PCDH1: variants seen among roughly 807,000 people sequenced by gnomAD.
PCDH1 encodes protocadherin 1, also known as protocadherin-1.
PCDH1 carries 23 observed loss-of-function variants against 74.6 expected under a neutral mutation model. That is an observed-to-expected ratio of 0.31 (90% CI 0.22 to 0.44). The LOEUF (loss-of-function observed/expected upper bound fraction) is 0.44, where lower values mean the gene tolerates loss of function less well. Among genes scored for constraint, PCDH1 ranks in the 20% least tolerant of loss-of-function variants. The probability of loss-of-function intolerance (pLI) is 1.00; values close to 1 mark genes in which losing one functional copy is unlikely to be tolerated. For synonymous variants in PCDH1, 647 were observed against 686.1 expected (o/e 0.94, Z 0.89); for missense variants, 1,214 against 1,641.4 (o/e 0.74, Z 4.50).
At chr5:141,877,045 T>C (rs563299136) in intron 1 of PCDH1, among the ~76,000 whole-genome samples, 3 of 152,336 alleles carry the variant, frequency 2.0e-5, no homozygotes, top group South Asian at 4.1e-4. Flanking sequence ...CTTCCCGCTG[T>C]GCCGATATTT....
intron 2 of PCDH1, among the ~76,000 whole-genome samples, chr5:141,867,174 C>A (rs1752882325): frequency 6.6e-6 from 1 of 152,206 alleles, no homozygotes; most frequent in African/African-American, 2.4e-5. Context: ...GTCTCTGTGA[C>A]TCTTGGCTTC....
At chr5:141,856,639 C>G (rs893436376) in intron 4 of PCDH1, among the ~76,000 whole-genome samples, 1 of 152,152 alleles carries the variant, frequency 6.6e-6, no homozygotes, top group Non-Finnish European at 1.5e-5. Flanking sequence ...GCTCACACCT[C>G]CTTTTTGCCA....
intron 1 of PCDH1, among the ~76,000 whole-genome samples, chr5:141,870,538 C>A (rs531631370): frequency 3.9e-5 from 6 of 152,134 alleles, no homozygotes; most frequent in African/African-American, 1.4e-4. Context: ...TGGCCACTCC[C>A]CCACCCCACA....
At position 141,853,952 on chromosome 5, in the gene PCDH1, G is replaced by A. The variant is rs527915794; in HGVS notation, c.*90C>T. The A allele has an allele frequency of 1.2e-5, 14 of 1,205,106 alleles. No individual in the cohort carries two copies. In the African/African-American group the frequency reaches 2.0e-4, roughly 17 times the overall value. The allele number at this position is 1,205,106 out of a possible 1,614,324, so 74.7% of individuals were successfully genotyped here. A position where few individuals can be genotyped will look rare whatever the true frequency, so the allele number is the denominator to read the frequency against. Reference sequence around the variant, plus strand: ...TTGGGGCCCTGGCCAGGAAGTCCACGCTGAAGGGGTGGAGAGTGAGGCCCT... The same window carrying A: ...TTGGGGCCCTGGCCAGGAAGTCCACACTGAAGGGGTGGAGAGTGAGGCCCT... On this transcript the variant is annotated 3_prime_UTR_variant, in exon 5 of 5. Transcript: ENST00000287008.
rs143703336 is a variant in PCDH1, at chr5:141,863,942, G to T, written c.2389C>A (p.Arg797Ser). Residue 797 changes from arginine (R) to serine (S), a missense_variant, in exon 3 of 5, where the codon CGC becomes AGC. By Grantham distance (110) the Arg-to-Ser change is moderately radical. This residue lies in a region of PCDH1 where 836 missense variants were observed against 1,182.2 expected (regional missense o/e 0.71). Coordinates refer to ENST00000287008, the MANE Select transcript of PCDH1 (RefSeq NM_032420.5). This position sits in a 1 kb window ranked among gnomAD's most constrained non-coding sequence, Gnocchi z 7.5. ...GTGCCATAGCGTGGGGGCTTGCCGC[G>T]GTCACTGACCTTCACCACCAGGCGG... ...LHRLVVKVSD[R>S]GKPPRYGTAL... 3 of 1,614,092 alleles carry T rather than the reference G, an allele frequency of 1.9e-6. No homozygotes were observed. In the Admixed American group the frequency reaches 5.0e-5, roughly 27 times the overall value.
At chr5:141,861,290 G>C (rs1030935709) in intron 3 of PCDH1, among the ~76,000 whole-genome samples, 4 of 152,076 alleles carry the variant, frequency 2.6e-5, no homozygotes, top group Non-Finnish European at 5.9e-5. Context: ...TCAGGGTCTA[G>C]TACCATGCTG....
intron 3 of PCDH1, among the ~76,000 whole-genome samples, chr5:141,858,825 T>C (rs552865567): frequency 2.2e-4 from 34 of 152,240 alleles, no homozygotes; most frequent in African/African-American, 7.0e-4. Flanking sequence ...TCTTACTCTA[T>C]AACTCTGGAT....
Position 141,863,216 on chromosome 5 carries a change from G to A in PCDH1, c.3099+16C>T. The A allele has an allele frequency of 6.4e-7, 1 of 1,568,544 alleles. No homozygotes were observed. Among genetic ancestry groups the A allele is most frequent in the Non-Finnish European group, 8.6e-7 (1 of 1,157,982 alleles). ...GGTAGGGGCTGGGGTGTGCTGAGCT[G>A]AAAGGGCTGGCCTACCTGCTTGCTG... is the stretch of plus-strand genomic sequence containing the variant. On this transcript the variant is annotated intron_variant, in intron 3 of 4. Coordinates refer to ENST00000287008, the MANE Select transcript of PCDH1 (RefSeq NM_032420.5). The surrounding 1 kb of genome is among the most constrained non-coding windows in gnomAD (Gnocchi z 7.5).
At position 141,854,317 on chromosome 5, in the gene PCDH1, T is replaced by G. The variant is rs1326514748; in HGVS notation, c.3439A>C (p.Ser1147Arg). Reference protein sequence around the residue: ...GQSSPSRRTKSSALKLSTFVP... With the variant: ...GQSSPSRRTKRSALKLSTFVP... ...AAGGTGGAGAGTTTGAGGGCGCTGC[T>G]CTTGGTCCGGCGGCTGGGAGATGAC... The change falls in exon 5 of 5, where the codon AGC becomes CGC. Residue 1147 changes from serine to arginine, a missense_variant. Ser to Arg is a moderately radical substitution (Grantham distance 110, BLOSUM62 -1). Around this residue, in one of 4 missense-constraint regions of PCDH1, gnomAD observed 194 missense variants for 198.3 expected, o/e 0.98. Transcript: ENST00000287008. 3 of 1,613,382 alleles carry G rather than the reference T, an allele frequency of 1.9e-6. No individual in the cohort carries two copies. In the African/African-American group the frequency reaches 4.0e-5, roughly 22 times the overall value.
At chr5:141,858,614 C>T (rs902966114) in intron 3 of PCDH1, among the ~76,000 whole-genome samples, 2 of 152,194 alleles carry the variant, frequency 1.3e-5, no homozygotes, top group South Asian at 2.1e-4. Flanking sequence ...GCAATCTCAA[C>T]TTGGCACTTG....
In PCDH1 at chr5:141,868,391, A is replaced by T; in HGVS notation, c.903+178T>A. ...CCTAAGTAGCCTGATAGAGGAAAGT[A>T]ATATCACCTGCTGGGGTGGGGTGGG... On this transcript the variant is annotated intron_variant, in intron 2 of 4. Coordinates refer to ENST00000287008, the MANE Select transcript of PCDH1 (RefSeq NM_032420.5). The surrounding 1 kb of genome is among the most constrained non-coding windows in gnomAD (Gnocchi z 4.8). 7.2e-7 allele frequency: 1 copy of T among 1,380,430 alleles called. No individual in the cohort carries two copies. The highest frequency in any genetic ancestry group is 2.7e-5 in the East Asian group (1 of 37,450). The allele number at this position is 1,380,430 out of a possible 1,614,324, so 85.5% of individuals were successfully genotyped here.
Position 141,865,896 on chromosome 5 carries a change from ATGTATG to A in PCDH1, c.904-475_904-470del, listed in dbSNP as rs1186811700. 6.6e-6 allele frequency among the ~76,000 whole-genome samples: 1 copy of A among 152,204 alleles called. No individual in the cohort carries two copies. Among genetic ancestry groups the A allele is most frequent in the African/African-American group, 2.4e-5 (1 of 41,444 alleles). On this transcript the variant is annotated intron_variant, in intron 2 of 4. Transcript: ENST00000287008. The surrounding 1 kb of genome is among the most constrained non-coding windows in gnomAD (Gnocchi z 4.4). Reference sequence around the variant, plus strand: ...ACTACATGCACGCACGCATGCACATATGTATGTGTATGATTGTGTCAGAATGTGTGA... The same window carrying A: ...ACTACATGCACGCACGCATGCACATATGTATGATTGTGTCAGAATGTGTGA...
At position 141,877,247 on chromosome 5, in the gene PCDH1, G is replaced by C. The variant is rs137903602; in HGVS notation, c.40+976C>G. Among the ~76,000 whole-genome samples the C allele has an allele frequency of 4.0e-3, 609 of 152,288 alleles. 4 individuals carry two copies. The highest frequency in any genetic ancestry group is 0.014 in the African/African-American group (578 of 41,552). On this transcript the variant is annotated intron_variant, in intron 1 of 4. Coordinates refer to ENST00000287008, the MANE Select transcript of PCDH1 (RefSeq NM_032420.5). Reference sequence around the variant, plus strand: ...GTGTGTGACACCCAGTGTTAAGATGGGTGAAGCAGTGGATTCTGTGTTTGT... The same window carrying C: ...GTGTGTGACACCCAGTGTTAAGATGCGTGAAGCAGTGGATTCTGTGTTTGT...
intron 3 of PCDH1, among the ~76,000 whole-genome samples, chr5:141,858,612 A>AACTTGGC: frequency 6.6e-6 from 1 of 152,150 alleles, no homozygotes. Context: ...TGGCAATCTC[A>AACTTGGC]ACTTGGCACT....
In PCDH1 at chr5:141,869,591, T is replaced by C; in HGVS notation, c.41-160A>G. On this transcript the variant is annotated intron_variant, in intron 1 of 4. Transcript: ENST00000287008. The surrounding 1 kb of genome is among the most constrained non-coding windows in gnomAD (Gnocchi z 4.9). ...AGAACCCCGATTCCAGAAACTCAGATCCCTGAATCTCATCCACAGCTGGGT... is the reference window on the plus strand; with the variant it reads ...AGAACCCCGATTCCAGAAACTCAGACCCCTGAATCTCATCCACAGCTGGGT... 1 of 1,535,030 alleles carries C rather than the reference T, an allele frequency of 6.5e-7. No homozygotes were observed. The highest frequency in any genetic ancestry group is 1.4e-5 in the African/African-American group (1 of 73,156).
rs1257878937 is a variant in PCDH1 at position 141,864,085 on chromosome 5, T to C, written c.2246A>G (p.Asn749Ser). The change falls in exon 3 of 5, where the codon AAT becomes AGT. Residue 749 changes from asparagine (N) to serine (S), a missense_variant. Asn to Ser is a conservative substitution (Grantham distance 46). Coordinates refer to ENST00000287008, the MANE Select transcript of PCDH1 (RefSeq NM_032420.5). This position sits in a 1 kb window ranked among gnomAD's most constrained non-coding sequence, Gnocchi z 5.9. ...VAAEDFDSGV[N>S]AELIYSIAGG... ...TGCAATGCTGTAGATCAGCTCAGCA[T>C]TGACACCAGAGTCAAAGTCCTCGGC... 1.2e-6 allele frequency: 2 copies of C among 1,612,100 alleles called. No homozygotes were observed. The highest frequency in any genetic ancestry group is 1.7e-6 in the Non-Finnish European group (2 of 1,178,486).
intron 4 of PCDH1, among the ~76,000 whole-genome samples, chr5:141,856,679 T>C (rs902752863): frequency 3.3e-5 from 5 of 151,238 alleles, no homozygotes; most frequent in Middle Eastern, 3.2e-3. Context: ...CAGACAGGCC[T>C]TTCTCTTCAC....
chr5:141,878,324 C>T lies in PCDH1; in HGVS notation c.-62G>A. 2.6e-6 allele frequency: 3 copies of T among 1,155,906 alleles called. No individual in the cohort carries two copies. The highest frequency in any genetic ancestry group is 7.4e-5 in the East Asian group (2 of 26,896). 71.6% of individuals were successfully genotyped at this position (1,155,906 alleles called of 1,614,324 possible). On this transcript the variant is annotated 5_prime_UTR_variant, in exon 1 of 5. Coordinates refer to ENST00000287008, the MANE Select transcript of PCDH1 (RefSeq NM_032420.5). This position sits in a 1 kb window ranked among gnomAD's most constrained non-coding sequence, Gnocchi z 5.5. Reference sequence around the variant, plus strand: ...CACGGCTGGGGCTGGAGCTGCAGTTCGGGCTCCGGCTCCGGCTCCGGCTGG... The same window carrying T: ...CACGGCTGGGGCTGGAGCTGCAGTTTGGGCTCCGGCTCCGGCTCCGGCTGG...
intron 3 of PCDH1, among the ~76,000 whole-genome samples, chr5:141,860,349 A>G (rs1752515686): frequency 6.6e-6 from 1 of 151,848 alleles, no homozygotes; most frequent in Non-Finnish European, 1.5e-5. Context: ...CTGTCTCTAC[A>G]GAAATTACAA....
Sources: allele counts gnomAD v4.1 joint callset (sites outside exome capture counted in the v4.1 genomes callset), GRCh38; gene constraint gnomAD v4.1.1; regional missense constraint gnomAD v4.1.1; non-coding constraint Gnocchi (gnomAD v3.1); transcripts MANE v1.5; gene names NCBI Gene and HGNC (gene_info 2026-07-23, HGNC 2026-07-21).